Variants in ZNF662 observed in about 807,000 individuals in gnomAD.
The protein encoded by ZNF662 is zinc finger protein 662.
Under a neutral mutation model 12.4 loss-of-function variants are expected in ZNF662, and 14 were observed. The ratio of observed to expected loss-of-function variants is 1.13; its 90% confidence interval spans 0.75 to 1.77. The LOEUF is 1.77. ZNF662 is among the 40% of genes most tolerant of loss of function. The pLI is 0.00. For missense variants in ZNF662, 550 were observed against 515.6 expected, an observed-to-expected ratio of 1.07 and a Z score of -0.65; for synonymous variants, 184 against 176.4, an observed-to-expected ratio of 1.04 and a Z score of -0.34.
chr3:42,911,243 C>A (rs548253368), intron 3 of ZNF662, among the ~76,000 whole-genome samples: 1 of 152,166 alleles, frequency 6.6e-6, no homozygotes, highest in South Asian at 2.1e-4. Context: ...ATCAGTCTCT[C>A]ATGTAGTGAG....
At chr3:42,911,413 T>C (rs1028609834) in intron 3 of ZNF662, among the ~76,000 whole-genome samples, 1 of 152,232 alleles carries the variant, frequency 6.6e-6, no homozygotes, top group African/African-American at 2.4e-5. Context: ...CAGCGTCTTC[T>C]GCATTCTTAG....
At position 42,917,671 on chromosome 3, in the gene ZNF662, C is replaced by G. The variant is rs1170972251; in HGVS notation, c.*2317C>G. 1 of 655,014 alleles carries G rather than the reference C, an allele frequency of 1.5e-6. No individual in the cohort carries two copies. Among genetic ancestry groups the G allele is most frequent in the Non-Finnish European group, 2.7e-6 (1 of 367,630 alleles). The allele number at this position is 655,014 out of a possible 1,614,324, so 40.6% of individuals were successfully genotyped here. A position where few individuals can be genotyped will look rare whatever the true frequency, so the allele number is the denominator to read the frequency against. On this transcript the variant is annotated 3_prime_UTR_variant, in exon 5 of 5. Coordinates refer to ENST00000440367, the MANE Select transcript of ZNF662 (RefSeq NM_207404.4). ...GAGTTGAGTTTTCTGTTATTTGCAA[C>G]TTAGCCACACTAATACTGTTTTGTG...
Position 42,918,650 on chromosome 3 carries a change from G to A in ZNF662, c.*3296G>A, listed in dbSNP as rs1434747689. Reference sequence around the variant, plus strand: ...TACATCTAACTTAGAATAAGGATAAGGATAAGGGTAGTGATCGATCTTAAC... The same window carrying A: ...TACATCTAACTTAGAATAAGGATAAAGATAAGGGTAGTGATCGATCTTAAC... On this transcript the variant is annotated 3_prime_UTR_variant, in exon 5 of 5. Transcript: ENST00000440367. Among the ~76,000 whole-genome samples, 1 of 152,252 alleles carries A rather than the reference G, an allele frequency of 6.6e-6. No individual in the cohort carries two copies.
intron 1 of ZNF662, among the ~76,000 whole-genome samples, chr3:42,907,163 G>A (rs2088694487): frequency 6.6e-6 from 1 of 150,834 alleles, no homozygotes; most frequent in South Asian, 2.1e-4. Flanking sequence ...GAGGTCAGCA[G>A]TATTTGTTTC....
At position 42,914,481 on chromosome 3, in the gene ZNF662, G is replaced by A; in HGVS notation, c.408G>A (p.Gly136=). The change falls in exon 5 of 5, where the codon GGG becomes GGA. Residue 136 remains glycine (G), a synonymous_variant. Transcript: ENST00000440367. ...CCTGTGAAGAGAAAAGCAGGTTAGG[G>A]AGATGGCCTGGTTACCTCAATGGGG... ...GKTCEEKSRL[G]RWPGYLNGGR... 1.2e-6 allele frequency: 2 copies of A among 1,614,032 alleles called. No individual in the cohort carries two copies. The highest frequency in any genetic ancestry group is 1.7e-6 in the Non-Finnish European group (2 of 1,180,016).
rs530336531 is a variant in ZNF662, at chr3:42,918,202, G to C, written c.*2848G>C. Among the ~76,000 whole-genome samples the C allele has an allele frequency of 9.8e-5, 15 of 152,322 alleles. No individual in the cohort carries two copies. The highest frequency in any genetic ancestry group is 3.4e-4 in the African/African-American group (14 of 41,568). ...GCTTTAAGTCATACCATTAGTGCAGGAATTTTTGCTCCTTAGTTCAGCTAA... is the reference window on the plus strand; with the variant it reads ...GCTTTAAGTCATACCATTAGTGCAGCAATTTTTGCTCCTTAGTTCAGCTAA... On this transcript the variant is annotated 3_prime_UTR_variant, in exon 5 of 5. Coordinates refer to ENST00000440367, the MANE Select transcript of ZNF662 (RefSeq NM_207404.4).
At chr3:42,912,380 A>C (rs2088809847) in intron 3 of ZNF662, among the ~76,000 whole-genome samples, 1 of 99,654 alleles carries the variant, frequency 1.0e-5, no homozygotes, top group Non-Finnish European at 1.8e-5. Flanking sequence ...GATATATTAA[A>C]TATATATAAT....
rs751489473 is a variant in ZNF662, at chr3:42,913,272, CA to C, written c.225del (p.Gly76GlufsTer6). ...GGAAGAGCCATTAAACCTGAAACTG[CA>C]AGGAGAGGGTCCAAGCCTGATTTGT... Reference protein sequence around the residue: ...QVEEPLNLKLQGEGPSLICPE... With the variant: ...QVEEPLNLKLXGEGPSLICPE... On this transcript the variant is annotated frameshift_variant, in exon 4 of 5. Coordinates refer to ENST00000440367, the MANE Select transcript of ZNF662 (RefSeq NM_207404.4). LOFTEE classifies it low-confidence loss of function (END_TRUNC). 6 of 1,613,794 alleles carry C rather than the reference CA, an allele frequency of 3.7e-6. No individual in the cohort carries two copies. Among genetic ancestry groups the C allele is most frequent in the Non-Finnish European group, 5.1e-6 (6 of 1,179,880 alleles).
At chr3:42,907,678 T>G (rs1393730888) in intron 1 of ZNF662, 1 of 985,010 alleles carries the variant, frequency 1.0e-6, no homozygotes, top group Non-Finnish European at 1.2e-6. Flanking sequence ...TTATCAAGGG[T>G]GGGTGACCTC....
intron 1 of ZNF662, chr3:42,907,698 A>T (rs2088702739): frequency 1.0e-6 from 1 of 985,308 alleles, no homozygotes; most frequent in Admixed American, 6.1e-5. Flanking sequence ...CTGAAGGAGG[A>T]CACATTGTGG....
chr3:42,908,766 T>A (rs1276966782), intron 2 of ZNF662, 27 bp from the exon 3 acceptor site: 1 of 1,607,116 alleles, frequency 6.2e-7, no homozygotes, highest in African/African-American at 1.3e-5. Context: ...GCCACTCACC[T>A]GCCTGTCCCA....
intron 3 of ZNF662, 51 bp from the exon 4 acceptor site, chr3:42,913,150 G>T: frequency 7.6e-7 from 1 of 1,322,252 alleles, no homozygotes; most frequent in Non-Finnish European, 1.1e-6. Context: ...TTTCCTGATG[G>T]GCCTCACTCT....
chr3:42,914,183 T>C (rs1488974590), intron 4 of ZNF662, 144 bp from the exon 5 acceptor site: 1 of 655,606 alleles, frequency 1.5e-6, no homozygotes, highest in East Asian at 2.7e-5. Flanking sequence ...GTATTAGCCT[T>C]GTTTTTGCCA....
chr3:42,914,270 CT>C (rs2088870273), intron 4 of ZNF662, 56 bp from the exon 5 acceptor site: 2 of 1,462,710 alleles, frequency 1.4e-6, no homozygotes, highest in Non-Finnish European at 9.2e-7. Context: ...ACTTGGTGAC[CT>C]TAGTCGCTGT....
At position 42,918,773 on chromosome 3, in the gene ZNF662, GAGGTTCCA is replaced by G. The variant is rs1257611330; in HGVS notation, c.*3421_*3428del. ...CCCTGGTAAAAGGTGGCCATCATTT[GAGGTTCCA>G]ATTGCATGAACATTCAGAGTTCAAT... is the stretch of plus-strand genomic sequence containing the variant. On this transcript the variant is annotated 3_prime_UTR_variant, in exon 5 of 5. Coordinates refer to ENST00000440367, the MANE Select transcript of ZNF662 (RefSeq NM_207404.4). Among the ~76,000 whole-genome samples the G allele has an allele frequency of 3.3e-5, 5 of 152,320 alleles. No homozygotes were observed. The highest frequency in any genetic ancestry group is 1.2e-4 in the African/African-American group (5 of 41,568).
chr3:42,907,062 T>G (rs969197432), intron 1 of ZNF662, among the ~76,000 whole-genome samples: 2 of 152,140 alleles, frequency 1.3e-5, no homozygotes, highest in African/African-American at 2.4e-5. Flanking sequence ...AGGACTGAAG[T>G]GCAGTGGACC....
At chr3:42,910,614 A>G (rs2088772890) in intron 3 of ZNF662, among the ~76,000 whole-genome samples, 2 of 151,998 alleles carry the variant, frequency 1.3e-5, no homozygotes, top group African/African-American at 2.4e-5. Context: ...AGAACTCTCA[A>G]CCCTCAGCCA....
intron 3 of ZNF662, among the ~76,000 whole-genome samples, chr3:42,912,263 ATCT>A (rs1175792045): frequency 7.8e-6 from 1 of 128,696 alleles, no homozygotes; most frequent in Non-Finnish European, 1.6e-5. Context: ...TATAATATAT[ATCT>A]TATATATTAT....
chr3:42,912,693 A>ATATATATAAATATATATATATATT (rs377231571), intron 3 of ZNF662, among the ~76,000 whole-genome samples: 1 of 53,094 alleles, frequency 1.9e-5, no homozygotes, highest in Non-Finnish European at 3.1e-5. Context: ...ATATATATAT[A>ATATATATAAATATATATATATATT]TTTTATATAT....
Sources: allele counts gnomAD v4.1 joint callset (sites outside exome capture counted in the v4.1 genomes callset), GRCh38; gene constraint gnomAD v4.1.1; transcripts MANE v1.5; gene names NCBI Gene and HGNC (gene_info 2026-07-23, HGNC 2026-07-21).